The following AUH variants were observed in gnomAD, a reference collection of about 807,000 sequenced individuals.
AUH encodes AU RNA binding methylglutaconyl-CoA hydratase.
In AUH, 29 loss-of-function variants were observed where a neutral mutation model predicts 42.3. The ratio of observed to expected loss-of-function variants is 0.69; its 90% confidence interval spans 0.51 to 0.93. The LOEUF (loss-of-function observed/expected upper bound fraction) is 0.93. Among genes scored for constraint, AUH ranks in the 40% least tolerant of loss-of-function variants. AUH has a pLI of 0.00. For synonymous variants in AUH, 174 were observed against 166.4 expected, an observed-to-expected ratio of 1.05 and a Z score of -0.35; for missense variants, 452 against 438.1, an observed-to-expected ratio of 1.03 and a Z score of -0.28.
At chr9:91,266,849 T>C (rs1271167190) in intron 6 of AUH, among the ~76,000 whole-genome samples, 1 of 152,218 alleles carries the variant, frequency 6.6e-6, no homozygotes, top group African/African-American at 2.4e-5. Context: ...TAGTTGAACA[T>C]AAACATATAT....
intron 4 of AUH, among the ~76,000 whole-genome samples, chr9:91,314,359 GCC>G (rs1327409626): frequency 6.6e-6 from 1 of 151,366 alleles, no homozygotes; most frequent in Non-Finnish European, 1.5e-5. Context: ...GCATGGTAGA[GCC>G]CATCCCTGCT....
intron 3 of AUH, among the ~76,000 whole-genome samples, chr9:91,355,627 C>G (rs1230935967): frequency 6.6e-6 from 1 of 151,864 alleles, no homozygotes; most frequent in Non-Finnish European, 1.5e-5. Context: ...ACTACATGTA[C>G]TACAGGTACT....
At chr9:91,360,964 GCCT>G (rs1832802871) in intron 1 of AUH, among the ~76,000 whole-genome samples, 1 of 152,176 alleles carries the variant, frequency 6.6e-6, no homozygotes, top group Non-Finnish European at 1.5e-5. Flanking sequence ...AGGATTGTCA[GCCT>G]CCTTCAAAGC....
At chr9:91,258,970 C>T (rs1829556542) in intron 6 of AUH, among the ~76,000 whole-genome samples, 1 of 152,108 alleles carries the variant, frequency 6.6e-6, no homozygotes, top group Non-Finnish European at 1.5e-5. Context: ...ATGAGGGATG[C>T]TTGTCTGTAT....
chr9:91,302,492 G>A (rs1318059355), intron 4 of AUH, among the ~76,000 whole-genome samples: 1 of 152,202 alleles, frequency 6.6e-6, no homozygotes, highest in Admixed American at 6.5e-5. Context: ...AAGAGGCTGA[G>A]GCAGGAGAAT....
intron 6 of AUH, among the ~76,000 whole-genome samples, chr9:91,266,362 A>AAAATAAATAAATAAAT (rs144350488): frequency 1.8e-4 from 27 of 148,100 alleles, no homozygotes; most frequent in African/African-American, 6.8e-4. Context: ...ACTCCATCTC[A>AAAATAAATAAATAAAT]AAATAAATAA....
chr9:91,319,180 C>A (rs771016583), intron 4 of AUH, among the ~76,000 whole-genome samples: 2 of 152,184 alleles, frequency 1.3e-5, no homozygotes, highest in African/African-American at 4.8e-5. Flanking sequence ...CTAGGCACTG[C>A]ATCTCTGTCT....
intron 4 of AUH, among the ~76,000 whole-genome samples, chr9:91,312,909 T>C (rs1828818478): frequency 6.6e-6 from 1 of 152,212 alleles, no homozygotes; most frequent in South Asian, 2.1e-4. Context: ...AATTGCCTTT[T>C]ATTTGTGATT....
At chr9:91,270,520 C>T (rs1825031242) in intron 6 of AUH, among the ~76,000 whole-genome samples, 1 of 152,172 alleles carries the variant, frequency 6.6e-6, no homozygotes, top group African/African-American at 2.4e-5. Flanking sequence ...TACCAATATA[C>T]TTCTCAGTAT....
intron 6 of AUH, 149 bp downstream of exon 6, chr9:91,295,872 A>G (rs1827286226): frequency 1.2e-6 from 1 of 864,864 alleles, no homozygotes; most frequent in African/African-American, 1.7e-5. Flanking sequence ...TATGCCTGTA[A>G]CTTGAATGGG....
chr9:91,277,002 T>C (rs978220955), intron 6 of AUH, among the ~76,000 whole-genome samples: 1 of 151,992 alleles, frequency 6.6e-6, no homozygotes, highest in Non-Finnish European at 1.5e-5. Flanking sequence ...CTGGGCAATA[T>C]AGCAAGACAC....
intron 3 of AUH, among the ~76,000 whole-genome samples, chr9:91,336,544 C>T (rs1564114206): frequency 6.6e-6 from 1 of 151,732 alleles, no homozygotes; most frequent in Non-Finnish European, 1.5e-5. Context: ...GCACGAGAAT[C>T]ACTTGAACCT....
At chr9:91,350,696 T>C (rs1177641278) in intron 3 of AUH, among the ~76,000 whole-genome samples, 1 of 151,710 alleles carries the variant, frequency 6.6e-6, no homozygotes, top group Non-Finnish European at 1.5e-5. Context: ...AAGTCAGAGG[T>C]TGCAGTAAGC....
At chr9:91,323,577 C>T (rs377569427) in intron 4 of AUH, among the ~76,000 whole-genome samples, 4 of 150,644 alleles carry the variant, frequency 2.7e-5, no homozygotes, top group African/African-American at 9.8e-5. Flanking sequence ...GAGCTGAGAT[C>T]GTGCCACTGC....
At chr9:91,263,669 C>A (rs922465223) in intron 6 of AUH, among the ~76,000 whole-genome samples, 3 of 152,180 alleles carry the variant, frequency 2.0e-5, no homozygotes, top group African/African-American at 7.2e-5. Context: ...CCTCCCTATA[C>A]CATGACCCAT....
intron 7 of AUH, chr9:91,219,075 C>T: frequency 1.0e-6 from 1 of 967,652 alleles, no homozygotes; most frequent in Non-Finnish European, 1.2e-6. Context: ...CAATGGGATG[C>T]GGCTCGACAC....
At position 91,320,619 on chromosome 9, in the gene AUH, C is replaced by T. The variant is rs76860644; in HGVS notation, c.505+4699G>A. 9.7e-4 allele frequency among the ~76,000 whole-genome samples: 148 copies of T among 152,270 alleles called. 1 individual carries two copies. Among genetic ancestry groups the T allele is most frequent in the African/African-American group, 3.4e-3 (140 of 41,530 alleles). ...ATGTACTGTGATTCTGGGGACTGCC[C>T]GATTCATAAATCGTTCACTGGTCTA... On this transcript the variant is annotated intron_variant, in intron 4 of 9. Transcript: ENST00000375731.
At chr9:91,358,084 T>TA (rs1832573090) in intron 1 of AUH, among the ~76,000 whole-genome samples, 1 of 151,982 alleles carries the variant, frequency 6.6e-6, no homozygotes, top group Admixed American at 6.5e-5. Flanking sequence ...GTGGTAAAAA[T>TA]AAAGGAAAGT....
At chr9:91,266,950 G>A (rs772484802) in intron 6 of AUH, among the ~76,000 whole-genome samples, 29 of 152,198 alleles carry the variant, frequency 1.9e-4, no homozygotes, top group African/African-American at 4.6e-4. Context: ...AGTGCACTCC[G>A]TGTGTGTATG....
Sources: gnomAD v4.1 joint callset for allele counts (sites outside exome capture counted in the v4.1 genomes callset) on GRCh38, gnomAD v4.1.1 for gene constraint, MANE v1.5 for transcripts, NCBI Gene and HGNC (gene_info 2026-07-23, HGNC 2026-07-21) for gene names.